Variants in TBL1XR1 observed in about 807,000 individuals in gnomAD.
TBL1XR1 encodes the protein F-box-like/WD repeat-containing protein TBL1XR1.
In TBL1XR1, 5 loss-of-function variants were observed where a neutral mutation model predicts 66.9. The observed-to-expected ratio is 0.07, with a 90% confidence interval of 0.04 to 0.16. TBL1XR1 has a LOEUF of 0.16. Ranked by LOEUF, TBL1XR1 falls within the 10% of genes least tolerant of loss-of-function variation. TBL1XR1 has a pLI of 1.00. For missense variants in TBL1XR1, 238 were observed against 623.2 expected (o/e 0.38, Z 6.58); for synonymous variants, 210 against 206.0 (o/e 1.02, Z -0.17).
At chr3:177,049,879 G>T in intron 7 of TBL1XR1, 118 bp downstream of exon 7, 2 of 1,195,332 alleles carry the variant, frequency 1.7e-6, no homozygotes, top group Non-Finnish European at 2.3e-6. Context: ...CCGGTTTGTT[G>T]TTACTAGTTA....
intron 1 of TBL1XR1, among the ~76,000 whole-genome samples, chr3:177,192,150 C>G (rs1022183344): frequency 2.6e-5 from 4 of 151,292 alleles, no homozygotes; most frequent in African/African-American, 9.7e-5. Context: ...GTAATCCCAG[C>G]ACTTTGGGAG....
intron 1 of TBL1XR1, among the ~76,000 whole-genome samples, chr3:177,149,247 T>C (rs1730607371): frequency 6.6e-6 from 1 of 152,112 alleles, no homozygotes; most frequent in South Asian, 2.1e-4. Context: ...GTCTAGTATT[T>C]AGTGTTCAGT....
chr3:177,151,114 G>A (rs1435168470), intron 1 of TBL1XR1, among the ~76,000 whole-genome samples: 1 of 152,140 alleles, frequency 6.6e-6, no homozygotes, highest in African/African-American at 2.4e-5. Context: ...GCACCGCTGT[G>A]GTGAAGAGAA....
At chr3:177,062,389 T>C (rs1718629295) in intron 3 of TBL1XR1, among the ~76,000 whole-genome samples, 1 of 152,212 alleles carries the variant, frequency 6.6e-6, no homozygotes, top group African/African-American at 2.4e-5. Context: ...AAGAATCACC[T>C]GGGGCATTTG....
intron 10 of TBL1XR1, among the ~76,000 whole-genome samples, chr3:177,039,064 C>CAA (rs1715208566): frequency 6.6e-6 from 1 of 152,036 alleles, no homozygotes; most frequent in Non-Finnish European, 1.5e-5. Context: ...ACTTCATGCA[C>CAA]AAAACTAGTA....
chr3:177,027,645 C>T (rs1391655895), intron 14 of TBL1XR1: 1 of 152,174 alleles, frequency 6.6e-6, no homozygotes, highest in African/African-American at 2.4e-5. Context: ...AACCATGCAC[C>T]TTGAAAATAC....
intron 2 of TBL1XR1, among the ~76,000 whole-genome samples, chr3:177,071,296 T>C (rs913781298): frequency 1.3e-5 from 2 of 152,062 alleles, no homozygotes; most frequent in African/African-American, 2.4e-5. Flanking sequence ...CCTGAATAGA[T>C]AGGAACTCTG....
At chr3:177,040,812 C>T (rs1577000901) in intron 10 of TBL1XR1, among the ~76,000 whole-genome samples, 2 of 151,278 alleles carry the variant, frequency 1.3e-5, no homozygotes, top group South Asian at 4.2e-4. Context: ...TATATTTCTA[C>T]AATGAAAAAC....
chr3:177,095,133 A>G (rs761548141), intron 2 of TBL1XR1, among the ~76,000 whole-genome samples: 6 of 152,128 alleles, frequency 3.9e-5, no homozygotes, highest in African/African-American at 7.2e-5. Flanking sequence ...GACAAATAGT[A>G]TATGGTGCTA....
At chr3:177,046,104 T>C (rs1477495989) in intron 10 of TBL1XR1, 25 bp downstream of exon 10, 3 of 1,513,928 alleles carry the variant, frequency 2.0e-6, no homozygotes, top group Non-Finnish European at 2.7e-6. Flanking sequence ...AGCTCCAGCT[T>C]TCACGTAAAT....
chr3:177,197,744 C>T (rs1467885064), upstream of TBL1XR1, among the ~76,000 whole-genome samples: 2 of 146,438 alleles, frequency 1.4e-5, no homozygotes, highest in African/African-American at 4.9e-5. Context: ...CCTCTCCTTC[C>T]CGGCCCGCTC....
intron 2 of TBL1XR1, among the ~76,000 whole-genome samples, chr3:177,096,331 T>TACACACACACACACAC (rs756833949): frequency 0.018 from 1,782 of 100,694 alleles, 29 homozygotes; most frequent in South Asian, 0.086. Context: ...CTAACATACA[T>TACACACACACACACAC]ACATACACAC....
At chr3:177,068,903 T>C (rs1467480950) in intron 2 of TBL1XR1, among the ~76,000 whole-genome samples, 2 of 152,248 alleles carry the variant, frequency 1.3e-5, no homozygotes, top group African/African-American at 4.8e-5. Flanking sequence ...TAAAGTCAAA[T>C]GTGTAATCGA....
At chr3:177,073,381 A>G (rs1271839147) in intron 2 of TBL1XR1, among the ~76,000 whole-genome samples, 2 of 152,220 alleles carry the variant, frequency 1.3e-5, no homozygotes, top group Non-Finnish European at 2.9e-5. Context: ...GTTGGAATAC[A>G]TATTGATAAG....
At chr3:177,131,847 A>G (rs984957372) in intron 1 of TBL1XR1, among the ~76,000 whole-genome samples, 16 of 151,438 alleles carry the variant, frequency 1.1e-4, no homozygotes, top group African/African-American at 3.9e-4. Flanking sequence ...CGAATTCATC[A>G]CATCTTCCAA....
chr3:177,050,814 CT>C (rs1208225996), intron 5 of TBL1XR1, among the ~76,000 whole-genome samples: 14 of 20,024 alleles, frequency 7.0e-4, no homozygotes, highest in Admixed American at 3.2e-3. Flanking sequence ...TGACCACATA[CT>C]TTTTTTTTAG....
chr3:177,068,615 A>G (rs1231170389), intron 2 of TBL1XR1, among the ~76,000 whole-genome samples: 1 of 152,218 alleles, frequency 6.6e-6, no homozygotes. Context: ...TACTCGCTGG[A>G]CAACTACTGC....
chr3:177,108,132 G>A (rs556750860), intron 1 of TBL1XR1, among the ~76,000 whole-genome samples: 1 of 151,998 alleles, frequency 6.6e-6, no homozygotes, highest in East Asian at 1.9e-4. Context: ...ATAAAGCAAA[G>A]AAGCTTTTAG....
Position 177,026,273 on chromosome 3 carries a change from A to G in TBL1XR1, c.1518+100T>C, listed in dbSNP as rs1300250922. On this transcript the variant is annotated intron_variant, in intron 15 of 15. Coordinates refer to ENST00000457928, the MANE Select transcript of TBL1XR1 (RefSeq NM_024665.7). ...AAAAAAATCAGTATCATACCTTAAA[A>G]TTTATTTTGAAAAAAACACTTTGGT... 4 of 959,400 alleles carry G rather than the reference A, an allele frequency of 4.2e-6. No homozygotes were observed. The African/African-American group carries it at 6.8e-5, about 16-fold the overall frequency. The allele number at this position is 959,400 out of a possible 1,614,324, so 59.4% of individuals were successfully genotyped here. A position where few individuals can be genotyped will look rare whatever the true frequency, so the allele number is the denominator to read the frequency against.
Sources: gnomAD v4.1 joint callset for allele counts (sites outside exome capture counted in the v4.1 genomes callset) on GRCh38, gnomAD v4.1.1 for gene constraint, MANE v1.5 for transcripts, NCBI Gene and HGNC (gene_info 2026-07-23, HGNC 2026-07-21) for gene names.